UNC5C: variants seen among roughly 807,000 people sequenced by gnomAD.
UNC5C encodes unc-5 netrin receptor C, also known as netrin receptor UNC5C.
A neutral mutation model predicts 99.8 loss-of-function variants in UNC5C; 47 were observed. The ratio of observed to expected loss-of-function variants is 0.47; its 90% CI spans 0.37 to 0.60. The LOEUF is 0.60. Among genes scored for constraint, UNC5C ranks in the 20% least tolerant of loss-of-function variants. The pLI, the probability that UNC5C is intolerant of heterozygous loss-of-function variation, is 0.00. For missense variants in UNC5C, 1,062 were observed against 1,165.9 expected, an observed-to-expected ratio of 0.91 and a Z score of 1.30; for synonymous variants, 487 against 452.2, an observed-to-expected ratio of 1.08 and a Z score of -0.98.
rs147401633 is a variant in UNC5C, at chr4:95,312,096, C to A, written c.347-10347G>T. ...CAACAACAACAAAAAACAAAAAAAA[C>A]CCCAAAACCAGAAAAGAAAGCACGT... On this transcript the variant is annotated intron_variant, in intron 2 of 15. Coordinates refer to ENST00000453304, the MANE Select transcript of UNC5C (RefSeq NM_003728.4). 7.0e-3 allele frequency among the ~76,000 whole-genome samples: 1,056 copies of A among 150,908 alleles called. 14 individuals are homozygous for A. The highest frequency in any genetic ancestry group is 0.024 in the African/African-American group (981 of 40,560).
Position 95,423,877 on chromosome 4 carries a change from T to C in UNC5C, c.125-88246A>G, listed in dbSNP as rs561351410. The stretch of plus-strand genomic sequence containing the variant: ...CGAACATCTTTTTAATCTTCTAAAG[T>C]TAAGGATACACACAAAAGGGAAACA... On this transcript the variant is annotated intron_variant, in intron 1 of 15. Transcript: ENST00000453304. 2.2e-3 allele frequency among the ~76,000 whole-genome samples: 334 copies of C among 152,282 alleles called. 2 individuals carry two copies. The highest frequency in any genetic ancestry group is 7.9e-3 in the African/African-American group (327 of 41,562).
At chr4:95,203,896 A>C (rs1399185757) in intron 11 of UNC5C, among the ~76,000 whole-genome samples, 1 of 152,184 alleles carries the variant, frequency 6.6e-6, no homozygotes, top group Non-Finnish European at 1.5e-5. Flanking sequence ...GTTGTTCCTG[A>C]GTCGTCATCT....
chr4:95,466,288 C>T (rs1747775223), intron 1 of UNC5C, among the ~76,000 whole-genome samples: 1 of 152,022 alleles, frequency 6.6e-6, no homozygotes, highest in Admixed American at 6.6e-5. Flanking sequence ...CCAAAATAGG[C>T]AAAAATCCTG....
chr4:95,525,961 T>C (rs1490484014), intron 1 of UNC5C, among the ~76,000 whole-genome samples: 1 of 152,160 alleles, frequency 6.6e-6, no homozygotes, highest in Non-Finnish European at 1.5e-5. Flanking sequence ...ACATTTAATT[T>C]TAAAAATTCG....
At chr4:95,184,522 T>C (rs1736753367) in intron 13 of UNC5C, among the ~76,000 whole-genome samples, 1 of 152,162 alleles carries the variant, frequency 6.6e-6, no homozygotes, top group Non-Finnish European at 1.5e-5. Context: ...CATGTGATTT[T>C]CCCCCAGGTA....
At chr4:95,172,669 A>G (rs1439736847) in intron 14 of UNC5C, among the ~76,000 whole-genome samples, 2 of 151,804 alleles carry the variant, frequency 1.3e-5, no homozygotes, top group African/African-American at 4.9e-5. Flanking sequence ...GAAGTCAGGT[A>G]GTGTGATGCC....
At chr4:95,272,817 A>T (rs912605423) in intron 4 of UNC5C, among the ~76,000 whole-genome samples, 11 of 152,020 alleles carry the variant, frequency 7.2e-5, no homozygotes, top group African/African-American at 2.7e-4. Flanking sequence ...TCCTCTCTAA[A>T]CTCTTTTGCC....
intron 1 of UNC5C, among the ~76,000 whole-genome samples, chr4:95,367,912 A>G (rs1744622455): frequency 6.6e-6 from 1 of 151,542 alleles, no homozygotes; most frequent in Non-Finnish European, 1.5e-5. Context: ...CAAATAAGAC[A>G]TGTGGAAAAT....
chr4:95,294,170 T>A (rs1006878553), intron 3 of UNC5C, among the ~76,000 whole-genome samples: 10 of 152,262 alleles, frequency 6.6e-5, no homozygotes, highest in Non-Finnish European at 1.2e-4. Context: ...TGTTTCTTTT[T>A]AAATTGTGGC....
chr4:95,506,358 A>C (rs1721921786), intron 1 of UNC5C, among the ~76,000 whole-genome samples: 1 of 152,064 alleles, frequency 6.6e-6, no homozygotes, highest in African/African-American at 2.4e-5. Context: ...ATAAATTACC[A>C]CATTTGACTG....
intron 3 of UNC5C, among the ~76,000 whole-genome samples, chr4:95,292,236 CATATATAT>C (rs71583696): frequency 0.015 from 1,332 of 88,730 alleles, 25 homozygotes; most frequent in African/African-American, 0.046. Flanking sequence ...CACACACACA[CATATATAT>C]ATATATATAT....
At chr4:95,442,881 G>A (rs1353577967) in intron 1 of UNC5C, among the ~76,000 whole-genome samples, 1 of 152,014 alleles carries the variant, frequency 6.6e-6, no homozygotes, top group East Asian at 1.9e-4. Context: ...ATGTATGTAT[G>A]TATAGCTTCT....
At chr4:95,359,605 GT>G (rs986201395) in intron 1 of UNC5C, among the ~76,000 whole-genome samples, 2 of 151,962 alleles carry the variant, frequency 1.3e-5, no homozygotes, top group African/African-American at 4.8e-5. Context: ...AGCTCCCTGT[GT>G]TTTTCCTAGA....
intron 1 of UNC5C, among the ~76,000 whole-genome samples, chr4:95,513,174 G>T (rs553249370): frequency 6.6e-6 from 1 of 152,138 alleles, no homozygotes. Flanking sequence ...ATTACATCCC[G>T]GCATGTAATG....
chr4:95,295,102 G>A (rs1197669766), intron 3 of UNC5C, among the ~76,000 whole-genome samples: 1 of 152,146 alleles, frequency 6.6e-6, no homozygotes, highest in East Asian at 1.9e-4. Flanking sequence ...AACATCAAGA[G>A]CGGCACTATT....
At chr4:95,290,907 A>G (rs996371987) in intron 3 of UNC5C, among the ~76,000 whole-genome samples, 1 of 152,132 alleles carries the variant, frequency 6.6e-6, no homozygotes, top group African/African-American at 2.4e-5. Flanking sequence ...CAGAAAGGTA[A>G]GCTTGGTAAT....
chr4:95,198,560 G>A (rs1247932894), intron 12 of UNC5C, among the ~76,000 whole-genome samples: 2 of 60,752 alleles, frequency 3.3e-5, no homozygotes, highest in African/African-American at 9.7e-5. Context: ...GAATAAAATG[G>A]ATGGAAAGAC....
rs930605737 is a variant in UNC5C, at chr4:95,401,100, G to A, written c.125-65469C>T. ...TTTCTCACTAAAAGAAATACTTTTT[G>A]TCCTTGAGATATAACATTTGAGGTA... On this transcript the variant is annotated intron_variant, in intron 1 of 15. Coordinates refer to ENST00000453304, the MANE Select transcript of UNC5C (RefSeq NM_003728.4). 3.3e-5 allele frequency among the ~76,000 whole-genome samples: 5 copies of A among 151,646 alleles called. No homozygotes were observed. In the South Asian group the frequency reaches 8.3e-4, roughly 25 times the overall value.
intron 1 of UNC5C, among the ~76,000 whole-genome samples, chr4:95,541,541 T>C (rs958745129): frequency 6.6e-6 from 1 of 152,210 alleles, no homozygotes; most frequent in African/African-American, 2.4e-5. Flanking sequence ...GCACTAAACT[T>C]CTATTATCTA....
Sources: gnomAD v4.1 joint callset for allele counts (sites outside exome capture counted in the v4.1 genomes callset) on GRCh38, gnomAD v4.1.1 for gene constraint, MANE v1.5 for transcripts, NCBI Gene and HGNC (gene_info 2026-07-23, HGNC 2026-07-21) for gene names.